PDCD10: variants seen among roughly 807,000 people sequenced by gnomAD.
PDCD10 encodes the protein programmed cell death protein 10.
Under a neutral mutation model 29.2 loss-of-function variants are expected in PDCD10, and 4 were observed. That is an observed-to-expected ratio of 0.14 (90% CI 0.07 to 0.31). The LOEUF is 0.31. PDCD10 is among the 10% of genes least tolerant of loss of function. The probability of loss-of-function intolerance (pLI) is 1.00; values close to 1 mark genes in which losing one functional copy is unlikely to be tolerated. For missense variants in PDCD10, 183 were observed against 257.9 expected (o/e 0.71, Z 1.99); for synonymous variants, 70 against 82.2 (o/e 0.85, Z 0.80).
chr3:167,717,102 G>A (rs896276697), intron 3 of PDCD10, among the ~76,000 whole-genome samples: 1 of 151,956 alleles, frequency 6.6e-6, no homozygotes, highest in Non-Finnish European at 1.5e-5. Context: ...CTTGGACTCT[G>A]AACTCCACAG....
chr3:167,687,706 G>C lies in PDCD10; in HGVS notation c.396-13C>G. Reference sequence around the variant, plus strand: ...ACTAGCTATATCCCTGTTGGGAAAAGAATAAAGAATATCAGCTACATTTGA... The same window carrying C: ...ACTAGCTATATCCCTGTTGGGAAAACAATAAAGAATATCAGCTACATTTGA... On this transcript the variant is annotated splice_polypyrimidine_tract_variant and intron_variant, in intron 6 of 8. Coordinates refer to ENST00000392750, the MANE Select transcript of PDCD10 (RefSeq NM_007217.4). The C allele has an allele frequency of 7.4e-7, 1 of 1,351,852 alleles. No homozygotes were observed. The highest frequency in any genetic ancestry group is 1.2e-5 in the South Asian group (1 of 85,632). 83.7% of individuals were successfully genotyped at this position (1,351,852 alleles called of 1,614,324 possible).
intron 3 of PDCD10, among the ~76,000 whole-genome samples, chr3:167,714,343 T>C (rs1302267890): frequency 6.6e-6 from 1 of 152,046 alleles, no homozygotes; most frequent in East Asian, 1.9e-4. Flanking sequence ...ACATCCTTCA[T>C]GATAAAAACT....
At chr3:167,707,642 C>T (rs908769447) in intron 3 of PDCD10, among the ~76,000 whole-genome samples, 9 of 152,172 alleles carry the variant, frequency 5.9e-5, no homozygotes, top group Non-Finnish European at 1.3e-4. Flanking sequence ...CACACCACTG[C>T]ACTCCAGCCT....
intron 3 of PDCD10, among the ~76,000 whole-genome samples, chr3:167,717,778 T>C (rs1465957404): frequency 1.3e-5 from 2 of 152,218 alleles, no homozygotes; most frequent in East Asian, 3.9e-4. Flanking sequence ...CTTCTGAACA[T>C]GCCTTTGAAT....
At chr3:167,685,396 C>CA (rs1184281849) in intron 8 of PDCD10, among the ~76,000 whole-genome samples, 5,673 of 51,964 alleles carry the variant, frequency 0.11, 112 homozygotes, top group African/African-American at 0.16. Flanking sequence ...ACTCTGTCTC[C>CA]AAAAAAAAAA....
At chr3:167,710,802 G>A (rs1168201939) in intron 3 of PDCD10, among the ~76,000 whole-genome samples, 1 of 152,214 alleles carries the variant, frequency 6.6e-6, no homozygotes, top group Non-Finnish European at 1.5e-5. Flanking sequence ...AGAGGTGGTG[G>A]CAACAGGGGT....
At chr3:167,699,094 T>C (rs752756097) in intron 4 of PDCD10, among the ~76,000 whole-genome samples, 1 of 152,222 alleles carries the variant, frequency 6.6e-6, no homozygotes, top group Non-Finnish European at 1.5e-5. Context: ...TAAATAACTA[T>C]TGTCACTTAT....
At chr3:167,696,574 A>T (rs1191377355) in intron 5 of PDCD10, among the ~76,000 whole-genome samples, 1 of 152,216 alleles carries the variant, frequency 6.6e-6, no homozygotes, top group Non-Finnish European at 1.5e-5. Context: ...AAGAAAAGTA[A>T]AAAGGATGGT....
intron 6 of PDCD10, among the ~76,000 whole-genome samples, chr3:167,691,965 A>G (rs1198536856): frequency 2.0e-5 from 3 of 152,248 alleles, no homozygotes; most frequent in Non-Finnish European, 2.9e-5. Context: ...TTAGCATATA[A>G]TAAGTCCTAT....
chr3:167,687,116 T>A, intron 8 of PDCD10, 118 bp downstream of exon 8: 2 of 605,018 alleles, frequency 3.3e-6, no homozygotes, highest in South Asian at 4.3e-5. Flanking sequence ...GCCTTCATTA[T>A]CAGTTGCCTG....
intron 3 of PDCD10, 45 bp downstream of exon 3, chr3:167,720,017 T>TA: frequency 8.9e-7 from 1 of 1,124,162 alleles, no homozygotes; most frequent in South Asian, 1.2e-5. Context: ...AAGCAGGAAT[T>TA]AAAGAATTGC....
intron 3 of PDCD10, among the ~76,000 whole-genome samples, chr3:167,714,804 A>T (rs1448172880): frequency 6.6e-6 from 1 of 152,018 alleles, no homozygotes; most frequent in Non-Finnish European, 1.5e-5. Flanking sequence ...AAAAAAGGGA[A>T]AGATATTCTA....
At chr3:167,706,682 G>T (rs910083269) in intron 3 of PDCD10, among the ~76,000 whole-genome samples, 1 of 152,156 alleles carries the variant, frequency 6.6e-6, no homozygotes, top group East Asian at 1.9e-4. Flanking sequence ...GAAATGTTAT[G>T]TGCCACATGA....
At chr3:167,687,855 C>A (rs909147593) in intron 6 of PDCD10, among the ~76,000 whole-genome samples, 162 bp from the exon 7 acceptor site, 1 of 152,166 alleles carries the variant, frequency 6.6e-6, no homozygotes, top group Admixed American at 6.6e-5. Flanking sequence ...CCAGCCTTTT[C>A]GGCTAGCTGG....
chr3:167,686,827 AAAG>A (rs1301778266), intron 8 of PDCD10, among the ~76,000 whole-genome samples: 5 of 152,344 alleles, frequency 3.3e-5, no homozygotes, highest in Admixed American at 2.6e-4. Context: ...TTAAAAAACA[AAAG>A]AAGAATATTA....
In PDCD10 at chr3:167,704,381, C is replaced by T. The variant is rs1292204356; in HGVS notation, c.150+461G>A. On this transcript the variant is annotated intron_variant, in intron 4 of 8. Coordinates refer to ENST00000392750, the MANE Select transcript of PDCD10 (RefSeq NM_007217.4). ...TAGCAAGAATGACAGGCACGCACCA[C>T]CATGCCTGGCTAATATTTTTATTTT... is the stretch of plus-strand genomic sequence containing the variant. 2.6e-5 allele frequency among the ~76,000 whole-genome samples: 4 copies of T among 151,992 alleles called. No homozygotes were observed. In the South Asian group the frequency reaches 8.3e-4, roughly 31 times the overall value.
At chr3:167,708,761 G>A (rs913295690) in intron 3 of PDCD10, among the ~76,000 whole-genome samples, 18 of 152,190 alleles carry the variant, frequency 1.2e-4, no homozygotes, top group African/African-American at 3.9e-4. Context: ...GGCAAAAAAG[G>A]TAAGCAGAAC....
chr3:167,703,473 G>GA (rs920854581), intron 4 of PDCD10, among the ~76,000 whole-genome samples: 3 of 152,018 alleles, frequency 2.0e-5, no homozygotes, highest in African/African-American at 7.2e-5. Flanking sequence ...TGTGCTACCA[G>GA]AAAAGAGTGT....
intron 4 of PDCD10, among the ~76,000 whole-genome samples, chr3:167,702,138 T>C (rs927825793): frequency 2.0e-5 from 3 of 152,140 alleles, no homozygotes; most frequent in Admixed American, 1.3e-4. Flanking sequence ...TTTAGAGAAA[T>C]GACAAAGCAA....
Sources: allele counts gnomAD v4.1 joint callset (sites outside exome capture counted in the v4.1 genomes callset), GRCh38; gene constraint gnomAD v4.1.1; transcripts MANE v1.5; gene names NCBI Gene and HGNC (gene_info 2026-07-23, HGNC 2026-07-21).